Variants in CFAP58 observed in about 807,000 individuals in gnomAD.
CFAP58 encodes cilia- and flagella-associated protein 58.
Under a neutral mutation model 119.5 loss-of-function variants are expected in CFAP58, and 88 were observed. That is an observed-to-expected ratio of 0.74 (90% CI 0.62 to 0.88). The LOEUF (loss-of-function observed/expected upper bound fraction) is 0.88. Ranked by LOEUF, CFAP58 falls within the 40% of genes least tolerant of loss-of-function variation. The pLI, the probability that CFAP58 is intolerant of heterozygous loss-of-function variation, is 0.00. For synonymous variants in CFAP58, 365 were observed against 366.3 expected (o/e 1.00, Z 0.04); for missense variants, 990 against 1,021.2 (o/e 0.97, Z 0.42).
intron 9 of CFAP58, among the ~76,000 whole-genome samples, chr10:104,383,255 C>G (rs1359941005): frequency 6.6e-6 from 1 of 152,098 alleles, no homozygotes; most frequent in Non-Finnish European, 1.5e-5. Context: ...TTGTTAATGT[C>G]TCTGGAATGA....
intron 15 of CFAP58, among the ~76,000 whole-genome samples, chr10:104,421,447 C>T (rs926664703): frequency 2.6e-5 from 4 of 152,258 alleles, no homozygotes; most frequent in Non-Finnish European, 4.4e-5. Flanking sequence ...AGTTCTCTTG[C>T]TCTCCTAGCC....
the CFAP58 span, among the ~76,000 whole-genome samples, chr10:104,342,396 TG>T: frequency 1.3e-5 from 2 of 152,218 alleles, no homozygotes; most frequent in Non-Finnish European, 2.9e-5. Context: ...GCCACCTTTA[TG>T]TGTTTATGTG....
Position 104,366,029 on chromosome 10 carries a change from C to T in CFAP58, c.792+21C>T, listed in dbSNP as rs112384880. 2.8e-3 allele frequency: 4,346 copies of T among 1,535,486 alleles called. 106 individuals are homozygous for T. The African/African-American group carries it at 0.051, about 18-fold the overall frequency. On this transcript the variant is annotated intron_variant, in intron 5 of 17. Transcript: ENST00000369704. ...AGAAGGTGAGTTGGGTGTGGGTCTTCGCAAAAAACCAAGAAAAACCCAGAA... is the reference window on the plus strand; with the variant it reads ...AGAAGGTGAGTTGGGTGTGGGTCTTTGCAAAAAACCAAGAAAAACCCAGAA...
chr10:104,389,370 A>G (rs1393853360), intron 9 of CFAP58, among the ~76,000 whole-genome samples: 1 of 152,176 alleles, frequency 6.6e-6, no homozygotes, highest in African/African-American at 2.4e-5. Context: ...TGGATGCTCA[A>G]AAAAGAAATG....
At chr10:104,351,054 C>A (rs1373871960), upstream of CFAP58, among the ~76,000 whole-genome samples, 1 of 152,144 alleles carries the variant, frequency 6.6e-6, no homozygotes, top group Non-Finnish European at 1.5e-5. Flanking sequence ...CATGGCAATC[C>A]TACAAACCGA....
chr10:104,366,109 T>G, intron 5 of CFAP58, 101 bp downstream of exon 5: 1 of 1,006,754 alleles, frequency 9.9e-7, no homozygotes, highest in Non-Finnish European at 1.4e-6. Flanking sequence ...AAGCAGCAAA[T>G]TCCCTTCACT....
intron 17 of CFAP58, among the ~76,000 whole-genome samples, chr10:104,450,645 A>G (rs1464423775): frequency 2.0e-5 from 3 of 152,062 alleles, no homozygotes; most frequent in African/African-American, 7.2e-5. Context: ...CTGTACCACT[A>G]TAACTACTAG....
At chr10:104,346,061 G>T in the CFAP58 span, among the ~76,000 whole-genome samples, 2 of 151,988 alleles carry the variant, frequency 1.3e-5, no homozygotes, top group African/African-American at 2.4e-5. Flanking sequence ...TTCTGGTGAG[G>T]GCCTCAGGAA....
At chr10:104,341,913 C>T in the CFAP58 span, among the ~76,000 whole-genome samples, 6 of 152,182 alleles carry the variant, frequency 3.9e-5, no homozygotes, top group African/African-American at 1.2e-4. Context: ...TAGAAATCTT[C>T]TAAAGTCAGT....
intron 15 of CFAP58, among the ~76,000 whole-genome samples, chr10:104,439,526 A>C (rs1225201848): frequency 6.6e-6 from 1 of 152,172 alleles, no homozygotes; most frequent in Non-Finnish European, 1.5e-5. Context: ...TTTTCAAGGA[A>C]AAAATCTCAC....
At chr10:104,438,341 G>GTTTTT (rs1325921091) in intron 15 of CFAP58, among the ~76,000 whole-genome samples, 1 of 101,290 alleles carries the variant, frequency 9.9e-6, no homozygotes, top group African/African-American at 4.5e-5. Flanking sequence ...TTTGTTTTTT[G>GTTTTT]TTTTTTGTTT....
chr10:104,409,304 A>G (rs1166791473), intron 15 of CFAP58, among the ~76,000 whole-genome samples: 1 of 152,192 alleles, frequency 6.6e-6, no homozygotes, highest in Non-Finnish European at 1.5e-5. Context: ...TTCCAAATAT[A>G]TATGTATTTA....
chr10:104,375,033 T>C (rs1366311761), intron 7 of CFAP58, among the ~76,000 whole-genome samples: 2 of 151,676 alleles, frequency 1.3e-5, no homozygotes, highest in East Asian at 1.9e-4. Context: ...CAAAATAGTA[T>C]ACTATGTGTA....
At position 104,370,902 on chromosome 10, in the gene CFAP58, A is replaced by G; in HGVS notation, c.938A>G (p.Glu313Gly). 3.7e-6 allele frequency: 6 copies of G among 1,611,244 alleles called. No homozygotes were observed. Among genetic ancestry groups the G allele is most frequent in the East Asian group, 2.2e-5 (1 of 44,848 alleles). ...CTTTCTCACTAATTACAGGCCAAAGAGGAAGAAGTCCATCAAATGCGCCTT... is the reference window on the plus strand; with the variant it reads ...CTTTCTCACTAATTACAGGCCAAAGGGGAAGAAGTCCATCAAATGCGCCTT... ...QQKALELKAK[E>G]EEVHQMRLDI... Residue 313 changes from glutamate (E) to glycine (G), a missense_variant, in exon 7 of 18, where the codon GAG becomes GGG. By Grantham distance (98) the Glu-to-Gly change is moderately conservative. Coordinates refer to ENST00000369704, the MANE Select transcript of CFAP58 (RefSeq NM_001008723.2).
intron 15 of CFAP58, among the ~76,000 whole-genome samples, chr10:104,407,396 G>A (rs1035096486): frequency 6.6e-6 from 1 of 152,154 alleles, no homozygotes; most frequent in Non-Finnish European, 1.5e-5. Flanking sequence ...CCTCTTTGCA[G>A]TTCAGGAAGC....
rs1564875982 is a variant in CFAP58 at position 104,357,929 on chromosome 10, A to ATG, written c.10-411_10-410insGT. On this transcript the variant is annotated intron_variant, in intron 1 of 17. Transcript: ENST00000369704. ...CATATACACACATATATGTACACAT[A>ATG]TACACACATATATGTACACATATAT... 7.3e-4 allele frequency among the ~76,000 whole-genome samples: 87 copies of ATG among 119,536 alleles called. 5 individuals carry two copies. The highest frequency in any genetic ancestry group is 2.5e-3 in the Admixed American group (33 of 13,366). The allele number at this position is 119,536 out of a possible 152,430, so 78.4% of individuals were successfully genotyped here. A position where few individuals can be genotyped will look rare whatever the true frequency, so the allele number is the denominator to read the frequency against.
At chr10:104,433,196 C>T (rs2012877421) in intron 15 of CFAP58, among the ~76,000 whole-genome samples, 1 of 152,158 alleles carries the variant, frequency 6.6e-6, no homozygotes, top group African/African-American at 2.4e-5. Context: ...TGGGATCAAG[C>T]CATCCACCTG....
chr10:104,438,654 C>T (rs1169068499), intron 15 of CFAP58, among the ~76,000 whole-genome samples: 2 of 152,290 alleles, frequency 1.3e-5, no homozygotes, highest in East Asian at 1.9e-4. Flanking sequence ...GGATTACAGG[C>T]GTGAGCCACC....
At position 104,447,716 on chromosome 10, in the gene CFAP58, A is replaced by C. The variant is rs117668723; in HGVS notation, c.2275A>C (p.Met759Leu). 2 of 1,613,964 alleles carry C rather than the reference A, an allele frequency of 1.2e-6. No individual in the cohort carries two copies. The highest frequency in any genetic ancestry group is 2.2e-5 in the South Asian group (2 of 91,054). ...CCACTAGGAAAAGGAGAAACTCTAC[A>C]TGGAACTAAAGCACGTCTTGGCCCG... ...LLLQEKEKLYMELKHVLARQP... is the reference protein window; with the variant it reads ...LLLQEKEKLYLELKHVLARQP... The change falls in exon 16 of 18, where the codon ATG (methionine) becomes CTG (leucine). Residue 759 changes from methionine to leucine, a missense_variant. Coordinates refer to ENST00000369704, the MANE Select transcript of CFAP58 (RefSeq NM_001008723.2).
Sources: gnomAD v4.1 joint callset for allele counts (sites outside exome capture counted in the v4.1 genomes callset) on GRCh38, gnomAD v4.1.1 for gene constraint, MANE v1.5 for transcripts, NCBI Gene and HGNC (gene_info 2026-07-23, HGNC 2026-07-21) for gene names.